Variants in DDX10 observed in about 807,000 individuals in gnomAD.
DDX10 encodes probable ATP-dependent RNA helicase DDX10.
DDX10 carries 74 observed loss-of-function variants against 104.3 expected under a neutral mutation model. The observed-to-expected ratio is 0.71, with a 90% CI of 0.59 to 0.86. The LOEUF (loss-of-function observed/expected upper bound fraction) is 0.86, where lower values mean the gene tolerates loss of function less well. DDX10 is among the 40% of genes least tolerant of loss of function. The pLI, the probability that DDX10 is intolerant of heterozygous loss-of-function variation, is 0.00. For synonymous variants in DDX10, 351 were observed against 353.4 expected (o/e 0.99, Z 0.08); for missense variants, 952 against 1,040.0 (o/e 0.92, Z 1.16).
intron 10 of DDX10, among the ~76,000 whole-genome samples, chr11:108,709,881 C>T (rs968157730): frequency 2.0e-5 from 3 of 152,008 alleles, no homozygotes; most frequent in Non-Finnish European, 4.4e-5. Flanking sequence ...TAGGTACTTT[C>T]TTTCTAATAC....
At chr11:108,850,045 A>C (rs925478443) in intron 15 of DDX10, among the ~76,000 whole-genome samples, 2 of 152,112 alleles carry the variant, frequency 1.3e-5, no homozygotes, top group African/African-American at 2.4e-5. Flanking sequence ...TTTTCAGATA[A>C]GAAAGAAACG....
At chr11:108,728,119 A>G (rs911551395) in intron 13 of DDX10, among the ~76,000 whole-genome samples, 3 of 152,170 alleles carry the variant, frequency 2.0e-5, no homozygotes, top group Admixed American at 2.0e-4. Flanking sequence ...TTCAACAGAC[A>G]TGAAATTACT....
At chr11:108,717,163 A>G (rs1487159345) in intron 11 of DDX10, among the ~76,000 whole-genome samples, 1 of 152,174 alleles carries the variant, frequency 6.6e-6, no homozygotes, top group Non-Finnish European at 1.5e-5. Context: ...ATTTCAGCAG[A>G]TAGATGAGGT....
chr11:108,677,931 C>T (rs1816032798), intron 4 of DDX10, among the ~76,000 whole-genome samples: 1 of 151,932 alleles, frequency 6.6e-6, no homozygotes, highest in Non-Finnish European at 1.5e-5. Flanking sequence ...TCACAAAGTA[C>T]AGTCCTTGAG....
chr11:108,891,186 G>A (rs748580017), intron 16 of DDX10, among the ~76,000 whole-genome samples: 12 of 152,146 alleles, frequency 7.9e-5, no homozygotes, highest in Non-Finnish European at 1.5e-5. Context: ...TTTTAGGCCA[G>A]CATTCTCAAA....
chr11:108,917,950 A>C lies in DDX10; in HGVS notation c.2382A>C (p.Thr794=). Residue 794 remains threonine (T), a synonymous_variant, in exon 17 of 18, where the codon ACA becomes ACC. Transcript: ENST00000322536. ...DDDDDGFDPS[T]LPDPDKYRSS... is the part of the protein sequence containing the mutation. ...ATGATGATGGATTTGATCCAAGCAC[A>C]CTCCCAGATCCAGATAAATACAGAA... is the stretch of plus-strand genomic sequence containing the variant. The C allele has an allele frequency of 6.2e-7, 1 of 1,613,380 alleles. No homozygotes were observed. The highest frequency in any genetic ancestry group is 8.5e-7 in the Non-Finnish European group (1 of 1,179,950).
At chr11:108,856,156 A>C (rs1168057080) in intron 16 of DDX10, among the ~76,000 whole-genome samples, 1 of 152,146 alleles carries the variant, frequency 6.6e-6, no homozygotes. Flanking sequence ...TAGGCCGGGC[A>C]TGGTGGCTCA....
intron 17 of DDX10, among the ~76,000 whole-genome samples, chr11:108,924,548 T>C (rs1443852405): frequency 1.3e-5 from 2 of 152,210 alleles, no homozygotes; most frequent in Non-Finnish European, 2.9e-5. Flanking sequence ...GTTCTTTTAT[T>C]TGGGTTTTTG....
intron 13 of DDX10, among the ~76,000 whole-genome samples, chr11:108,763,789 CAA>C (rs1046179428): frequency 6.6e-6 from 1 of 151,902 alleles, no homozygotes; most frequent in African/African-American, 2.4e-5. Context: ...TAATAAAAAG[CAA>C]AGAGTTTTTA....
At chr11:108,726,097 G>A (rs1426364638) in intron 13 of DDX10, among the ~76,000 whole-genome samples, 4 of 151,934 alleles carry the variant, frequency 2.6e-5, no homozygotes, top group Admixed American at 6.6e-5. Flanking sequence ...TCAAAGATAC[G>A]TCTGTCCTTT....
intron 13 of DDX10, among the ~76,000 whole-genome samples, chr11:108,725,732 C>A (rs140575336): frequency 0.016 from 2,362 of 152,068 alleles, 58 homozygotes; most frequent in African/African-American, 0.054. Context: ...TACTTTCTCC[C>A]AATCTATGGC....
At chr11:108,760,020 T>C (rs1209901161) in intron 13 of DDX10, among the ~76,000 whole-genome samples, 1 of 151,550 alleles carries the variant, frequency 6.6e-6, no homozygotes, top group Non-Finnish European at 1.5e-5. Context: ...AAAAAAAGAA[T>C]CTCACACTAT....
chr11:108,889,499 A>G (rs2134638677), intron 16 of DDX10, among the ~76,000 whole-genome samples: 1 of 152,294 alleles, frequency 6.6e-6, no homozygotes, highest in Non-Finnish European at 1.5e-5. Context: ...CTGTGTTCCC[A>G]CTAATATCAA....
intron 16 of DDX10, among the ~76,000 whole-genome samples, chr11:108,886,006 A>T (rs1863292157): frequency 6.6e-6 from 1 of 152,234 alleles, no homozygotes; most frequent in Non-Finnish European, 1.5e-5. Flanking sequence ...TTGGATTTGG[A>T]CATGTCAAGG....
intron 16 of DDX10, among the ~76,000 whole-genome samples, chr11:108,878,605 T>C (rs1296569456): frequency 6.6e-6 from 1 of 152,244 alleles, no homozygotes; most frequent in Admixed American, 6.5e-5. Context: ...TGACAAAGAC[T>C]TCCTATAATG....
intron 15 of DDX10, among the ~76,000 whole-genome samples, 173 bp from the exon 16 acceptor site, chr11:108,851,980 T>C (rs1862798813): frequency 6.6e-6 from 1 of 152,230 alleles, no homozygotes; most frequent in Non-Finnish European, 1.5e-5. Flanking sequence ...TCTGACACAT[T>C]CTTAATGATT....
At chr11:108,773,621 C>T (rs1214174189) in intron 13 of DDX10, among the ~76,000 whole-genome samples, 1 of 151,764 alleles carries the variant, frequency 6.6e-6, no homozygotes, top group Non-Finnish European at 1.5e-5. Flanking sequence ...GTCAGCTCTT[C>T]CTGGAATCTG....
At chr11:108,835,873 C>T (rs1436909090) in intron 13 of DDX10, among the ~76,000 whole-genome samples, 1 of 151,926 alleles carries the variant, frequency 6.6e-6, no homozygotes, top group Non-Finnish European at 1.5e-5. Context: ...AGCCTTTGAT[C>T]GTTTGTTACT....
At chr11:108,747,442 A>G (rs1465897233) in intron 13 of DDX10, among the ~76,000 whole-genome samples, 1 of 152,112 alleles carries the variant, frequency 6.6e-6, no homozygotes, top group Non-Finnish European at 1.5e-5. Flanking sequence ...AAGAGTTTTG[A>G]CATGATCATT....
Sources: gnomAD v4.1 joint callset for allele counts (sites outside exome capture counted in the v4.1 genomes callset) on GRCh38, gnomAD v4.1.1 for gene constraint, MANE v1.5 for transcripts, NCBI Gene and HGNC (gene_info 2026-07-23, HGNC 2026-07-21) for gene names.